The following AKT3 variants were observed in gnomAD, a reference collection of about 807,000 sequenced individuals.
The protein encoded by AKT3 is RAC-gamma serine/threonine-protein kinase.
AKT3 carries 15 observed loss-of-function variants against 65.3 expected under a neutral mutation model. The observed-to-expected ratio is 0.23, with a 90% CI of 0.15 to 0.35. AKT3 has a LOEUF of 0.35. AKT3 is among the 10% of genes least tolerant of loss of function. The pLI, the probability that AKT3 is intolerant of heterozygous loss-of-function variation, is 1.00. For synonymous variants in AKT3, 206 were observed against 183.8 expected (o/e 1.12, Z -0.98); for missense variants, 243 against 576.5 (o/e 0.42, Z 5.92).
At chr1:243,849,913 C>CCGCCT (rs1695690631) in intron 1 of AKT3, 127 bp downstream of exon 1, 1 of 706,020 alleles carries the variant, frequency 1.4e-6, no homozygotes, top group Non-Finnish European at 1.7e-6. Context: ...CCAGAAGCCC[C>CCGCCT]CGCCTCACCC....
At chr1:243,664,258 G>A (rs1023585740) in intron 4 of AKT3, among the ~76,000 whole-genome samples, 71 of 126,382 alleles carry the variant, frequency 5.6e-4, no homozygotes, top group African/African-American at 1.9e-3. Flanking sequence ...GTGCAGTGGC[G>A]CAATCTCGGC....
intron 12 of AKT3, among the ~76,000 whole-genome samples, chr1:243,521,775 C>T (rs537658667): frequency 3.3e-5 from 5 of 152,264 alleles, no homozygotes; most frequent in African/African-American, 1.2e-4. Context: ...AATACATCTG[C>T]TTTCCTTGTT....
At chr1:243,527,071 T>G (rs1168833651) in intron 12 of AKT3, among the ~76,000 whole-genome samples, 1 of 152,146 alleles carries the variant, frequency 6.6e-6, no homozygotes, top group African/African-American at 2.4e-5. Flanking sequence ...GGGACAGATA[T>G]GAAGATTAAT....
intron 10 of AKT3, among the ~76,000 whole-genome samples, chr1:243,554,865 T>A (rs1259972845): frequency 6.6e-6 from 1 of 151,836 alleles, no homozygotes; most frequent in African/African-American, 2.4e-5. Context: ...CGGGTTCTCA[T>A]CCCCAGCTGG....
chr1:243,782,678 C>T (rs977243048), intron 2 of AKT3, among the ~76,000 whole-genome samples: 1 of 152,116 alleles, frequency 6.6e-6, no homozygotes, highest in Non-Finnish European at 1.5e-5. Flanking sequence ...TGGAACAATG[C>T]TGATGAATTA....
chr1:243,533,221 A>G (rs890380858), intron 12 of AKT3, among the ~76,000 whole-genome samples: 1 of 152,164 alleles, frequency 6.6e-6, no homozygotes, highest in Non-Finnish European at 1.5e-5. Flanking sequence ...AAAAAGATAT[A>G]ACAATACTAC....
intron 2 of AKT3, among the ~76,000 whole-genome samples, chr1:243,756,076 C>A (rs1033001542): frequency 1.3e-5 from 2 of 152,014 alleles, no homozygotes; most frequent in African/African-American, 4.8e-5. Flanking sequence ...CTGGAAGTTA[C>A]AAATATAAAA....
rs1053012192 is a variant in AKT3 at position 243,500,971 on chromosome 1, A to G, written c.*4278T>C. The stretch of plus-strand genomic sequence containing the variant: ...ATATACTGTGAATAAATTATACAAT[A>G]TTCTAAAAATAGCACCTTTAAAGAA... On this transcript the variant is annotated 3_prime_UTR_variant, in exon 14 of 14. Transcript: ENST00000673466. The G allele has an allele frequency of 2.6e-5, 6 of 228,076 alleles. No homozygotes were observed. The highest frequency in any genetic ancestry group is 8.9e-5 in the African/African-American group (4 of 45,080). The allele number at this position is 228,076 out of a possible 1,614,324, so 14.1% of individuals were successfully genotyped here. A position where few individuals can be genotyped will look rare whatever the true frequency, so the allele number is the denominator to read the frequency against.
chr1:243,551,909 A>C (rs1673094022), intron 11 of AKT3, among the ~76,000 whole-genome samples: 1 of 152,224 alleles, frequency 6.6e-6, no homozygotes, highest in Non-Finnish European at 1.5e-5. Flanking sequence ...CTGTAGCTAC[A>C]AAAACAGAAA....
At chr1:243,805,727 T>C (rs1451223084) in intron 2 of AKT3, among the ~76,000 whole-genome samples, 1 of 152,234 alleles carries the variant, frequency 6.6e-6, no homozygotes, top group Non-Finnish European at 1.5e-5. Context: ...TAATCCATTT[T>C]AGCTCTCTTG....
At position 243,501,350 on chromosome 1, in the gene AKT3, C is replaced by T; in HGVS notation, c.*3899G>A. ...ACTCTAAGAAAGGAAATATGCAGAG[C>T]AGTACATTATCAGGAAGACGTTAAT... is the stretch of plus-strand genomic sequence containing the variant. On this transcript the variant is annotated 3_prime_UTR_variant, in exon 14 of 14. Coordinates refer to ENST00000673466, the MANE Select transcript of AKT3 (RefSeq NM_005465.7). 4.3e-6 allele frequency: 1 copy of T among 233,180 alleles called. No individual in the cohort carries two copies. The highest frequency in any genetic ancestry group is 8.5e-6 in the Non-Finnish European group (1 of 118,014). 14.4% of individuals were successfully genotyped at this position (233,180 alleles called of 1,614,324 possible).
chr1:243,629,990 A>G (rs1468985116), intron 6 of AKT3, among the ~76,000 whole-genome samples: 2 of 152,148 alleles, frequency 1.3e-5, no homozygotes, highest in African/African-American at 2.4e-5. Flanking sequence ...TCCCATATAT[A>G]GTTGGCAAAT....
chr1:243,848,573 C>G (rs1695612345), intron 1 of AKT3, among the ~76,000 whole-genome samples: 1 of 152,206 alleles, frequency 6.6e-6, no homozygotes, highest in African/African-American at 2.4e-5. Flanking sequence ...GAGTTTCACT[C>G]ATTTGTCAGC....
intron 3 of AKT3, among the ~76,000 whole-genome samples, chr1:243,685,183 T>A (rs1022119934): frequency 6.6e-6 from 1 of 152,246 alleles, no homozygotes; most frequent in African/African-American, 2.4e-5. Context: ...AATTTTGGCT[T>A]TTGTTGCCAT....
At chr1:243,668,147 CT>C (rs1159449067) in intron 3 of AKT3, among the ~76,000 whole-genome samples, 1 of 152,100 alleles carries the variant, frequency 6.6e-6, no homozygotes, top group Admixed American at 6.6e-5. Flanking sequence ...ATTCTTAGCA[CT>C]TAGAACTATG....
chr1:243,823,897 G>GA (rs1572410516), intron 2 of AKT3, among the ~76,000 whole-genome samples: 1 of 151,990 alleles, frequency 6.6e-6, no homozygotes, highest in South Asian at 2.1e-4. Flanking sequence ...CACATAATAA[G>GA]AAAAAACTAC....
intron 2 of AKT3, among the ~76,000 whole-genome samples, chr1:243,782,926 T>C (rs906069173): frequency 6.6e-6 from 1 of 152,202 alleles, no homozygotes; most frequent in Non-Finnish European, 1.5e-5. Context: ...ACCCTGGTAT[T>C]CAAGCCTGTG....
chr1:243,586,322 G>A (rs547716573), intron 8 of AKT3, among the ~76,000 whole-genome samples: 1 of 149,886 alleles, frequency 6.7e-6, no homozygotes, highest in East Asian at 2.0e-4. Flanking sequence ...CAGCCACTAT[G>A]GAAACCAATT....
intron 2 of AKT3, among the ~76,000 whole-genome samples, chr1:243,770,365 T>C (rs1411304757): frequency 6.6e-6 from 1 of 152,170 alleles, no homozygotes; most frequent in African/African-American, 2.4e-5. Flanking sequence ...AGAGGTTAAC[T>C]GACTAACTCA....
Sources: gnomAD v4.1 joint callset for allele counts (sites outside exome capture counted in the v4.1 genomes callset) on GRCh38, gnomAD v4.1.1 for gene constraint, MANE v1.5 for transcripts, NCBI Gene and HGNC (gene_info 2026-07-23, HGNC 2026-07-21) for gene names.